The following SEM1 variants were observed in gnomAD, a reference collection of about 807,000 sequenced individuals.
SEM1 encodes SEM1 26S proteasome subunit.
SEM1 carries 3 observed loss-of-function variants against 12.7 expected under a neutral mutation model. The observed-to-expected ratio is 0.24, with a 90% CI of 0.11 to 0.61. The LOEUF is 0.61. Ranked by LOEUF, SEM1 falls within the 20% of genes least tolerant of loss-of-function variation. SEM1 has a pLI of 0.88. For missense variants in SEM1, 59 were observed against 81.3 expected, an observed-to-expected ratio of 0.73 and a Z score of 1.06; for synonymous variants, 30 against 27.8, an observed-to-expected ratio of 1.08 and a Z score of -0.25.
intron 2 of SEM1, 22 bp from the exon 3 acceptor site, chr7:96,688,988 A>T: frequency 2.1e-6 from 3 of 1,419,964 alleles, no homozygotes; most frequent in Non-Finnish European, 3.0e-6. Context: ...CAGAAAGAAC[A>T]TCACTAGGTA....
At chr7:96,656,272 T>G (rs1809176666) in intron 2 of SEM1, among the ~76,000 whole-genome samples, 1 of 152,210 alleles carries the variant, frequency 6.6e-6, no homozygotes, top group Non-Finnish European at 1.5e-5. Context: ...CTCCAAATTC[T>G]TAGTTGGAGT....
downstream of SEM1, among the ~76,000 whole-genome samples, chr7:96,619,468 G>A (rs887246727): frequency 3.9e-5 from 6 of 152,016 alleles, no homozygotes; most frequent in Non-Finnish European, 5.9e-5. Context: ...CCAGTCTTTG[G>A]GCTCCAGTGG....
At chr7:96,531,362 A>G (rs1470875412) in intron 2 of SEM1, among the ~76,000 whole-genome samples, 1 of 151,734 alleles carries the variant, frequency 6.6e-6, no homozygotes, top group Non-Finnish European at 1.5e-5. Context: ...TGAGACCAGG[A>G]GTTCAAGACC....
chr7:96,620,750 C>T (rs915817989), downstream of SEM1, among the ~76,000 whole-genome samples: 4 of 152,276 alleles, frequency 2.6e-5, no homozygotes, highest in African/African-American at 7.2e-5. Flanking sequence ...CCATGGAGGG[C>T]GCATGTACTC....
chr7:96,598,201 T>C (rs1235258082), intron 2 of SEM1, among the ~76,000 whole-genome samples: 4 of 152,138 alleles, frequency 2.6e-5, no homozygotes, highest in African/African-American at 9.7e-5. Context: ...CCCTGAATTT[T>C]AAAACTCAAA....
At chr7:96,571,020 C>T (rs1405965397) in intron 2 of SEM1, among the ~76,000 whole-genome samples, 1 of 149,904 alleles carries the variant, frequency 6.7e-6, no homozygotes, top group East Asian at 2.0e-4. Context: ...TGAGAAGTGG[C>T]TGTTCATATT....
downstream of SEM1, among the ~76,000 whole-genome samples, chr7:96,671,480 A>G (rs965816963): frequency 6.6e-6 from 1 of 152,182 alleles, no homozygotes; most frequent in African/African-American, 2.4e-5. Flanking sequence ...TTAGAATCTA[A>G]TGAGGAGGAA....
chr7:96,650,477 GAC>G (rs756451547), intron 2 of SEM1: 16 of 754,950 alleles, frequency 2.1e-5, no homozygotes, highest in Admixed American at 6.9e-5. Context: ...CACTGCAGGA[GAC>G]ACAGCCATTT....
At position 96,709,816 on chromosome 7, in the gene SEM1, C is replaced by T; in HGVS notation, c.-53G>A. ...AGATAAGCAGAAAAGTTGGAACCCT[C>T]ACTCTTCCTCAAGGAAACGCCACCG... On this transcript the variant is annotated 5_prime_UTR_variant, in exon 1 of 3. Coordinates refer to ENST00000248566, the MANE Select transcript of SEM1 (RefSeq NM_006304.2). 6.4e-7 allele frequency: 1 copy of T among 1,564,262 alleles called. No homozygotes were observed. The highest frequency in any genetic ancestry group is 1.4e-5 in the African/African-American group (1 of 73,796).
intron 2 of SEM1, among the ~76,000 whole-genome samples, chr7:96,557,848 G>C (rs775632739): frequency 6.6e-6 from 1 of 152,142 alleles, no homozygotes; most frequent in African/African-American, 2.4e-5. Context: ...GCCAGGCTCC[G>C]TGGGCGTAGG....
At chr7:96,667,049 CT>C (rs1418037090) in intron 2 of SEM1, among the ~76,000 whole-genome samples, 1 of 152,170 alleles carries the variant, frequency 6.6e-6, no homozygotes, top group Non-Finnish European at 1.5e-5. Flanking sequence ...AAAGTTTGGG[CT>C]GAAGGATGAG....
At chr7:96,654,496 A>C (rs1300497088) in intron 2 of SEM1, among the ~76,000 whole-genome samples, 1 of 152,188 alleles carries the variant, frequency 6.6e-6, no homozygotes, top group Non-Finnish European at 1.5e-5. Context: ...TCTTTTCTAG[A>C]GCTAGCAAGG....
At chr7:96,709,454 C>CT (rs1273116159) in intron 1 of SEM1, among the ~76,000 whole-genome samples, 2 of 152,206 alleles carry the variant, frequency 1.3e-5, no homozygotes, top group Non-Finnish European at 2.9e-5. Flanking sequence ...CTCACGGTGG[C>CT]TCCTCCCAGT....
intron 2 of SEM1, among the ~76,000 whole-genome samples, chr7:96,529,385 C>T (rs1405705559): frequency 6.6e-6 from 1 of 152,170 alleles, no homozygotes; most frequent in Non-Finnish European, 1.5e-5. Context: ...TTAGGAACTA[C>T]TTCCACTAAT....
At chr7:96,523,889 C>T in intron 2 of SEM1, among the ~76,000 whole-genome samples, 1 of 152,108 alleles carries the variant, frequency 6.6e-6, no homozygotes, top group Non-Finnish European at 1.5e-5. Flanking sequence ...GATGATGCAT[C>T]TCACCCCTTT....
intron 2 of SEM1, among the ~76,000 whole-genome samples, chr7:96,592,740 A>G (rs1806866852): frequency 6.6e-6 from 1 of 151,886 alleles, no homozygotes; most frequent in East Asian, 2.0e-4. Context: ...CAGGGTTTCA[A>G]GCTCCTCTGA....
chr7:96,497,979 A>G (rs1319067695), upstream of SEM1, among the ~76,000 whole-genome samples: 1 of 152,202 alleles, frequency 6.6e-6, no homozygotes, highest in East Asian at 1.9e-4. Flanking sequence ...ACTTTTAGAG[A>G]TGAAAAATAC....
At chr7:96,610,459 G>A (rs1011765228) in intron 2 of SEM1, among the ~76,000 whole-genome samples, 2 of 152,122 alleles carry the variant, frequency 1.3e-5, no homozygotes, top group Non-Finnish European at 2.9e-5. Flanking sequence ...TGCTATGAAG[G>A]TGAATAATAT....
rs141944804 is a variant in SEM1, at chr7:96,651,676, A to G, written c.171-29033T>C. Among the ~76,000 whole-genome samples the G allele has an allele frequency of 2.9e-3, 436 of 152,262 alleles. 1 individual carries two copies. Among genetic ancestry groups the G allele is most frequent in the Non-Finnish European group, 4.4e-3 (300 of 68,024 alleles). On this transcript the variant is annotated intron_variant, in intron 2 of 2. Coordinates refer to the SEM1 transcript ENST00000417009. ...AACTTCCACCTCCTGGGTTCAAGCAATTCTCCTGCCTCAACTTCCCAAGTA... is the reference window on the plus strand; with the variant it reads ...AACTTCCACCTCCTGGGTTCAAGCAGTTCTCCTGCCTCAACTTCCCAAGTA...
Sources: gnomAD v4.1 joint callset for allele counts (sites outside exome capture counted in the v4.1 genomes callset) on GRCh38, gnomAD v4.1.1 for gene constraint, MANE v1.5 for transcripts, NCBI Gene and HGNC (gene_info 2026-07-23, HGNC 2026-07-21) for gene names.